Variants in OLA1 observed in about 807,000 individuals in gnomAD.
OLA1 encodes the protein Obg like ATPase 1.
OLA1 carries 14 observed loss-of-function variants against 48.4 expected under a neutral mutation model. The observed-to-expected ratio is 0.29, with a 90% CI of 0.19 to 0.45. OLA1 has a LOEUF of 0.45. Ranked by LOEUF, OLA1 falls within the 20% of genes least tolerant of loss-of-function variation. The pLI is 1.00. For synonymous variants in OLA1, 127 were observed against 150.4 expected, an observed-to-expected ratio of 0.84 and a Z score of 1.14; for missense variants, 325 against 467.1, an observed-to-expected ratio of 0.70 and a Z score of 2.80.
intron 7 of OLA1, among the ~76,000 whole-genome samples, chr2:174,119,637 C>A (rs1366183328): frequency 1.3e-5 from 2 of 151,906 alleles, no homozygotes; most frequent in Non-Finnish European, 2.9e-5. Flanking sequence ...TGTAGTATCC[C>A]CAAACTATTT....
At chr2:174,162,476 C>A (rs1187798728) in intron 4 of OLA1, among the ~76,000 whole-genome samples, 1 of 152,092 alleles carries the variant, frequency 6.6e-6, no homozygotes, top group Non-Finnish European at 1.5e-5. Flanking sequence ...TTATTGCTTC[C>A]TATTTAATAA....
chr2:174,140,090 T>C (rs931093118), intron 5 of OLA1, among the ~76,000 whole-genome samples: 2 of 152,020 alleles, frequency 1.3e-5, no homozygotes, highest in Admixed American at 6.6e-5. Context: ...GGTTTGAATG[T>C]TGAATTTCTG....
At chr2:174,076,618 G>A (rs1227915780) in intron 10 of OLA1, among the ~76,000 whole-genome samples, 1 of 151,956 alleles carries the variant, frequency 6.6e-6, no homozygotes, top group Non-Finnish European at 1.5e-5. Context: ...CAGAGCCCTA[G>A]TAAGCATATT....
intron 7 of OLA1, among the ~76,000 whole-genome samples, chr2:174,098,499 A>AT (rs1265062033): frequency 6.6e-6 from 1 of 152,226 alleles, no homozygotes; most frequent in Admixed American, 6.5e-5. Flanking sequence ...TACAAAAAGA[A>AT]TTTTTGTAAA....
chr2:174,233,635 A>G (rs1342708023), intron 2 of OLA1, among the ~76,000 whole-genome samples: 1 of 152,208 alleles, frequency 6.6e-6, no homozygotes, highest in African/African-American at 2.4e-5. Context: ...TCAGCCTCCC[A>G]AAGTGCTAGG....
chr2:174,234,551 C>A (rs530020844), intron 2 of OLA1, among the ~76,000 whole-genome samples: 2 of 152,220 alleles, frequency 1.3e-5, no homozygotes, highest in Admixed American at 6.5e-5. Flanking sequence ...GCAGCCTTGA[C>A]CTCCCAGGAT....
Position 174,074,374 on chromosome 2 carries a change from C to T in OLA1, c.*1052G>A, listed in dbSNP as rs1383986841. On this transcript the variant is annotated 3_prime_UTR_variant, in exon 11 of 11. Coordinates refer to ENST00000284719, the MANE Select transcript of OLA1 (RefSeq NM_013341.5). Reference sequence around the variant, plus strand: ...GAGAAGGCTAAGTGGCAAAGGGTCTCCAAATTACCAATTTGTTCTAGTCTT... The same window carrying T: ...GAGAAGGCTAAGTGGCAAAGGGTCTTCAAATTACCAATTTGTTCTAGTCTT... 1.3e-5 allele frequency: 2 copies of T among 152,160 alleles called. No individual in the cohort carries two copies. The highest frequency in any genetic ancestry group is 2.9e-5 in the Non-Finnish European group (2 of 68,044). 9.4% of individuals were successfully genotyped at this position (152,160 alleles called of 1,614,324 possible).
intron 5 of OLA1, among the ~76,000 whole-genome samples, chr2:174,132,881 T>C (rs747150879): frequency 6.6e-6 from 1 of 152,202 alleles, no homozygotes; most frequent in Non-Finnish European, 1.5e-5. Context: ...CTCTTCTATA[T>C]TCTTTACTAA....
intron 7 of OLA1, among the ~76,000 whole-genome samples, chr2:174,085,228 C>T (rs1684942369): frequency 6.6e-6 from 1 of 152,186 alleles, no homozygotes; most frequent in Non-Finnish European, 1.5e-5. Context: ...AAGTTGTGGT[C>T]TACAATAGGA....
rs923457122 is a variant in OLA1, at chr2:174,075,358, A to G, written c.*68T>C. On this transcript the variant is annotated 3_prime_UTR_variant, in exon 11 of 11. Coordinates refer to ENST00000284719, the MANE Select transcript of OLA1 (RefSeq NM_013341.5). ...CTTTATTTGTCGCATTGGTTTTCAG[A>G]AATTTTAATTTTTTAAAAATCAGAT... 3 of 885,870 alleles carry G rather than the reference A, an allele frequency of 3.4e-6. No homozygotes were observed. The highest frequency in any genetic ancestry group is 3.6e-6 in the Non-Finnish European group (2 of 559,228). 54.9% of individuals were successfully genotyped at this position (885,870 alleles called of 1,614,324 possible).
chr2:174,131,486 T>C (rs1686179285), intron 5 of OLA1, among the ~76,000 whole-genome samples: 1 of 152,184 alleles, frequency 6.6e-6, no homozygotes, highest in African/African-American at 2.4e-5. Context: ...AAGACTGGAA[T>C]TGCTTGGTTG....
At chr2:174,108,734 T>C (rs774454649) in intron 7 of OLA1, among the ~76,000 whole-genome samples, 2 of 152,182 alleles carry the variant, frequency 1.3e-5, no homozygotes, top group African/African-American at 2.4e-5. Flanking sequence ...AGTGTCAGAC[T>C]GTCTAGCCAT....
chr2:174,125,691 A>C (rs921646065), intron 5 of OLA1, among the ~76,000 whole-genome samples: 16 of 152,218 alleles, frequency 1.1e-4, no homozygotes, highest in Admixed American at 2.6e-4. Context: ...TAACTGGACC[A>C]TTATTTCAGA....
chr2:174,080,859 C>G, intron 9 of OLA1: 1 of 256,498 alleles, frequency 3.9e-6, no homozygotes, highest in Non-Finnish European at 7.4e-6. Context: ...ACAGATTAAG[C>G]AAGCACAATA....
chr2:174,142,173 G>C (rs1408221421), intron 4 of OLA1, among the ~76,000 whole-genome samples, 173 bp from the exon 5 acceptor site: 2 of 152,026 alleles, frequency 1.3e-5, no homozygotes, highest in Non-Finnish European at 2.9e-5. Context: ...TGAGGCTACT[G>C]GCAATAAAAC....
At position 174,075,256 on chromosome 2, in the gene OLA1, G is replaced by A. The variant is rs1063613; in HGVS notation, c.*170C>T. The A allele has an allele frequency of 0.21, 76,915 of 367,384 alleles. 4,861 individuals are homozygous for A. Among genetic ancestry groups the A allele is most frequent in the East Asian group, 0.51 (9,077 of 17,970 alleles). 22.8% of individuals were successfully genotyped at this position (367,384 alleles called of 1,614,324 possible). ...CATTTAGTGAACCTGCATTTCATGGGGGGGGGGGGGTACACAGTATTTTAA... is the reference window on the plus strand; with the variant it reads ...CATTTAGTGAACCTGCATTTCATGGAGGGGGGGGGGTACACAGTATTTTAA... On this transcript the variant is annotated 3_prime_UTR_variant, in exon 11 of 11. Transcript: ENST00000284719.
chr2:174,150,073 T>C (rs895280260), intron 4 of OLA1, among the ~76,000 whole-genome samples: 18 of 152,304 alleles, frequency 1.2e-4, no homozygotes, highest in Non-Finnish European at 2.4e-4. Context: ...GGGCTATAGT[T>C]TCAATGTGTT....
At chr2:174,128,915 C>T (rs1686108158) in intron 5 of OLA1, among the ~76,000 whole-genome samples, 1 of 152,056 alleles carries the variant, frequency 6.6e-6, no homozygotes, top group South Asian at 2.1e-4. Flanking sequence ...TAAGTGAGAA[C>T]AGCAGGTTTA....
intron 5 of OLA1, among the ~76,000 whole-genome samples, chr2:174,133,995 C>G (rs1426255840): frequency 2.0e-5 from 3 of 152,168 alleles, no homozygotes; most frequent in African/African-American, 7.2e-5. Context: ...ATGGATTTGC[C>G]TATTCTGAAC....
Sources: allele counts gnomAD v4.1 joint callset (sites outside exome capture counted in the v4.1 genomes callset), GRCh38; gene constraint gnomAD v4.1.1; transcripts MANE v1.5; gene names NCBI Gene and HGNC (gene_info 2026-07-23, HGNC 2026-07-21).